Variants in UBLCP1 observed in about 807,000 individuals in gnomAD.
UBLCP1 encodes the protein ubiquitin-like domain-containing CTD phosphatase 1.
UBLCP1 carries 28 observed loss-of-function variants against 42.4 expected under a neutral mutation model. The observed-to-expected ratio is 0.66, with a 90% CI of 0.49 to 0.90. UBLCP1 has a LOEUF of 0.90. Ranked by LOEUF, UBLCP1 falls within the 40% of genes least tolerant of loss-of-function variation. The pLI is 0.00. For missense variants in UBLCP1, 279 were observed against 374.5 expected, an observed-to-expected ratio of 0.75 and a Z score of 2.10; for synonymous variants, 122 against 120.8, an observed-to-expected ratio of 1.01 and a Z score of -0.07.
rs1753474469 is a variant in UBLCP1, at chr5:159,272,082, C to T, written c.508C>T (p.Leu170=). 6.2e-7 allele frequency: 1 copy of T among 1,613,268 alleles called. No homozygotes were observed. Among genetic ancestry groups the T allele is most frequent in the African/African-American group, 1.3e-5 (1 of 74,878 alleles). ...AATGCGGCCATATCTTCATGAATTT[C>T]TAACATCTGCCTATGAAGATTATGA... ...ELMRPYLHEF[L]TSAYEDYDIV... The change falls in exon 6 of 11, where the codon CTA becomes TTA. Residue 170 remains leucine, a synonymous_variant. Transcript: ENST00000296786.
At chr5:159,279,337 A>T (rs1452285160) in intron 9 of UBLCP1, among the ~76,000 whole-genome samples, 2 of 152,206 alleles carry the variant, frequency 1.3e-5, no homozygotes, top group African/African-American at 2.4e-5. Flanking sequence ...TAAAATTGGT[A>T]AGAGTGAAAT....
Position 159,270,375 on chromosome 5 carries a change from C to G in UBLCP1, c.262C>G (p.Pro88Ala). 6.2e-7 allele frequency: 1 copy of G among 1,613,152 alleles called. No homozygotes were observed. Among genetic ancestry groups the G allele is most frequent in the Non-Finnish European group, 8.5e-7 (1 of 1,179,556 alleles). The change falls in exon 4 of 11, where the codon CCA becomes GCA. Residue 88 changes from proline to alanine, a missense_variant. By Grantham distance (27) the Pro-to-Ala change is conservative. Transcript: ENST00000296786. The stretch of plus-strand genomic sequence containing the variant: ...ATCTTAATAGGAAGATGTCTTAGGT[C>G]CACCCCCTGACAATGATGATGTTGT... ...REESLEDVLG[P>A]PPDNDDVVND...
Position 159,269,909 on chromosome 5 carries a change from C to G in UBLCP1, c.156C>G (p.Gly52=). 1 of 1,611,924 alleles carries G rather than the reference C, an allele frequency of 6.2e-7. No individual in the cohort carries two copies. The highest frequency in any genetic ancestry group is 8.5e-7 in the Non-Finnish European group (1 of 1,178,920). Residue 52 remains glycine (G), a splice_region_variant and synonymous_variant, in exon 3 of 11, where the codon GGC becomes GGG. Coordinates refer to ENST00000296786, the MANE Select transcript of UBLCP1 (RefSeq NM_145049.5). ...AACAGTCATTTGCTTGTATTGTAGG[C>G]AAACCTGCAGAAAATGATGTTAAGC... ...RQKLLGLKVK[G]KPAENDVKLG... is the part of the protein sequence containing the mutation.
intron 1 of UBLCP1, among the ~76,000 whole-genome samples, chr5:159,268,451 G>A (rs2113310695): frequency 1.3e-5 from 2 of 152,298 alleles, no homozygotes; most frequent in South Asian, 4.1e-4. Flanking sequence ...GGCTAAGTGG[G>A]AGAGATCTGG....
rs1753660863 is a variant in UBLCP1 at position 159,285,235 on chromosome 5, C to G, written c.*304C>G. 1 of 240,416 alleles carries G rather than the reference C, an allele frequency of 4.2e-6. No individual in the cohort carries two copies. The highest frequency in any genetic ancestry group is 7.7e-6 in the Non-Finnish European group (1 of 129,384). The allele number at this position is 240,416 out of a possible 1,614,324, so 14.9% of individuals were successfully genotyped here. A position where few individuals can be genotyped will look rare whatever the true frequency, so the allele number is the denominator to read the frequency against. On this transcript the variant is annotated 3_prime_UTR_variant, in exon 11 of 11. Transcript: ENST00000296786. ...ACACACACACACACACACACACACA[C>G]ACACACACAAAGTGGAGAAAAATGT...
chr5:159,275,013 C>A, intron 7 of UBLCP1, 135 bp from the exon 8 acceptor site: 1 of 714,360 alleles, frequency 1.4e-6, no homozygotes, highest in Non-Finnish European at 2.4e-6. Context: ...TAAAATACTT[C>A]CTAGTTGTTT....
intron 5 of UBLCP1, among the ~76,000 whole-genome samples, chr5:159,271,622 G>C (rs1341071625): frequency 1.3e-5 from 2 of 152,116 alleles, no homozygotes; most frequent in Non-Finnish European, 2.9e-5. Context: ...TAATTAATTG[G>C]TTAATTGGCC....
intron 6 of UBLCP1, among the ~76,000 whole-genome samples, chr5:159,272,693 G>A (rs1471926298): frequency 1.3e-5 from 2 of 152,148 alleles, no homozygotes; most frequent in East Asian, 3.8e-4. Flanking sequence ...TGGAAATAAA[G>A]GCAACTTGAA....
At chr5:159,275,357 A>G (rs1265845334) in intron 8 of UBLCP1, 111 bp downstream of exon 8, 25 of 712,646 alleles carry the variant, frequency 3.5e-5, no homozygotes, top group Admixed American at 6.3e-5. Context: ...AGTGAATAAT[A>G]AAGTGGTTGA....
At chr5:159,265,742 T>C (rs1753382175) in intron 1 of UBLCP1, among the ~76,000 whole-genome samples, 1 of 152,230 alleles carries the variant, frequency 6.6e-6, no homozygotes, top group Non-Finnish European at 1.5e-5. Flanking sequence ...GCCACTGCCA[T>C]GTAAGAAGTG....
intron 1 of UBLCP1, among the ~76,000 whole-genome samples, 178 bp downstream of exon 1, chr5:159,263,538 C>T (rs985161377): frequency 2.0e-5 from 3 of 152,222 alleles, no homozygotes; most frequent in African/African-American, 7.2e-5. Flanking sequence ...GGGCCGCTGT[C>T]CTCCCATCCA....
chr5:159,283,650 A>G (rs1753633514), intron 10 of UBLCP1, among the ~76,000 whole-genome samples: 1 of 152,256 alleles, frequency 6.6e-6, no homozygotes, highest in Middle Eastern at 3.4e-3. Context: ...CTACTCCTTT[A>G]TGAATCACAT....
At chr5:159,280,834 T>C (rs1366165074) in intron 9 of UBLCP1, among the ~76,000 whole-genome samples, 2 of 152,242 alleles carry the variant, frequency 1.3e-5, no homozygotes, top group Non-Finnish European at 2.9e-5. Flanking sequence ...ATGTGAATCT[T>C]GGTCATGGAT....
At chr5:159,278,999 G>A (rs1209420232) in intron 9 of UBLCP1, among the ~76,000 whole-genome samples, 1 of 152,132 alleles carries the variant, frequency 6.6e-6, no homozygotes, top group Middle Eastern at 3.2e-3. Flanking sequence ...AAACATTCTG[G>A]TTAGCTTGAG....
At chr5:159,278,402 T>G in intron 9 of UBLCP1, 48 bp downstream of exon 9, 6 of 1,315,892 alleles carry the variant, frequency 4.6e-6, no homozygotes, top group Non-Finnish European at 6.6e-6. Context: ...CTGGGCTGTG[T>G]GGTAGAACTT....
intron 5 of UBLCP1, among the ~76,000 whole-genome samples, chr5:159,271,395 C>T (rs1284452391): frequency 6.6e-6 from 1 of 152,000 alleles, no homozygotes; most frequent in Non-Finnish European, 1.5e-5. Flanking sequence ...CGGATTAAGA[C>T]TGCAGTGAGC....
chr5:159,269,373 C>T (rs1434634545), intron 2 of UBLCP1, among the ~76,000 whole-genome samples: 3 of 152,218 alleles, frequency 2.0e-5, no homozygotes, highest in Non-Finnish European at 2.9e-5. Context: ...TATTTTCTGA[C>T]ATCTACCTTT....
intron 6 of UBLCP1, chr5:159,274,310 G>T (rs1753507785): frequency 3.4e-6 from 1 of 292,880 alleles, no homozygotes; most frequent in South Asian, 7.4e-5. Context: ...TTTAGGTCTT[G>T]ATTTATAAAT....
chr5:159,273,971 T>G (rs1403689040), intron 6 of UBLCP1, among the ~76,000 whole-genome samples: 2 of 152,174 alleles, frequency 1.3e-5, no homozygotes, highest in Non-Finnish European at 2.9e-5. Flanking sequence ...GATGAGGATT[T>G]AATTTTAGTA....
Sources: allele counts gnomAD v4.1 joint callset (sites outside exome capture counted in the v4.1 genomes callset), GRCh38; gene constraint gnomAD v4.1.1; transcripts MANE v1.5; gene names NCBI Gene and HGNC (gene_info 2026-07-23, HGNC 2026-07-21).